FNDC3A: variants seen among roughly 807,000 people sequenced by gnomAD.
FNDC3A encodes the protein fibronectin type III domain containing 3A.
In FNDC3A, 32 loss-of-function variants were observed where a neutral mutation model predicts 148.9. That is an observed-to-expected ratio of 0.21 (90% CI 0.16 to 0.29). FNDC3A has a LOEUF of 0.29. FNDC3A is among the 10% of genes least tolerant of loss of function. The pLI is 1.00. For synonymous variants in FNDC3A, 472 were observed against 473.6 expected, an observed-to-expected ratio of 1.00 and a Z score of 0.04; for missense variants, 1,191 against 1,452.8, an observed-to-expected ratio of 0.82 and a Z score of 2.93.
intron 3 of FNDC3A, among the ~76,000 whole-genome samples, chr13:49,088,200 A>G (rs1214395594): frequency 1.3e-5 from 2 of 152,178 alleles, no homozygotes; most frequent in African/African-American, 4.8e-5. Context: ...TCCTGGCACT[A>G]TGTAGGCACT....
intron 19 of FNDC3A, among the ~76,000 whole-genome samples, chr13:49,196,272 A>G (rs183169280): frequency 3.9e-5 from 6 of 152,230 alleles, no homozygotes; most frequent in African/African-American, 1.4e-4. Flanking sequence ...ATTGATGACA[A>G]GAAATTTCTG....
intron 2 of FNDC3A, among the ~76,000 whole-genome samples, chr13:49,067,991 T>C (rs1203937868): frequency 6.6e-6 from 1 of 151,938 alleles, no homozygotes; most frequent in African/African-American, 2.4e-5. Flanking sequence ...TAAAAATGTG[T>C]TGGAAATAAA....
intron 14 of FNDC3A, among the ~76,000 whole-genome samples, chr13:49,181,954 TAAA>T (rs1361243709): frequency 1.3e-5 from 2 of 152,136 alleles, no homozygotes; most frequent in Non-Finnish European, 2.9e-5. Context: ...ATTTAAATGA[TAAA>T]GAAGAATGAA....
chr13:49,144,492 A>C (rs1209477836), intron 7 of FNDC3A, among the ~76,000 whole-genome samples: 1 of 152,174 alleles, frequency 6.6e-6, no homozygotes, highest in East Asian at 1.9e-4. Context: ...AGTGGTTATT[A>C]GTTTGGTTTT....
intron 3 of FNDC3A, among the ~76,000 whole-genome samples, chr13:49,110,820 T>C (rs576810070): frequency 5.4e-4 from 82 of 152,348 alleles, no homozygotes; most frequent in African/African-American, 1.6e-3. Flanking sequence ...CAAGGAAAGA[T>C]AAAGAAGAAT....
chr13:48,998,599 C>T (rs548020906), intron 1 of FNDC3A, among the ~76,000 whole-genome samples: 1 of 152,206 alleles, frequency 6.6e-6, no homozygotes, highest in African/African-American at 2.4e-5. Flanking sequence ...CTTTTGGTCC[C>T]AAGCATTTTG....
intron 4 of FNDC3A, among the ~76,000 whole-genome samples, chr13:49,129,958 G>A (rs553726551): frequency 6.6e-6 from 1 of 152,194 alleles, no homozygotes; most frequent in East Asian, 1.9e-4. Flanking sequence ...TGAAAATCAG[G>A]ATTTGCCTTT....
intron 8 of FNDC3A, among the ~76,000 whole-genome samples, chr13:49,158,298 C>T (rs2138011478): frequency 6.6e-6 from 1 of 152,340 alleles, no homozygotes; most frequent in African/African-American, 2.4e-5. Flanking sequence ...GTGCGTCTGT[C>T]ACCCCTTTCT....
chr13:49,039,180 A>G (rs1874731778), intron 2 of FNDC3A, among the ~76,000 whole-genome samples: 1 of 152,238 alleles, frequency 6.6e-6, no homozygotes, highest in Non-Finnish European at 1.5e-5. Flanking sequence ...GTGTATTACC[A>G]TTGGAATGTA....
rs1038343517 is a variant in FNDC3A, at chr13:49,093,226, T to TA, written c.175+17863dup. 3.3e-5 allele frequency among the ~76,000 whole-genome samples: 5 copies of TA among 152,298 alleles called. No homozygotes were observed. The South Asian group carries it at 1.0e-3, about 32-fold the overall frequency. ...CCTCCGCTCTCCTCCCCGTAGCACT[T>TA]ACAACTGCCCCATACATACAGAAAT... is the stretch of plus-strand genomic sequence containing the variant. On this transcript the variant is annotated intron_variant, in intron 3 of 25. Transcript: ENST00000492622.
chr13:49,060,643 C>CAAAAAAAA (rs35534890), intron 2 of FNDC3A, among the ~76,000 whole-genome samples: 1 of 59,716 alleles, frequency 1.7e-5, no homozygotes, highest in Non-Finnish European at 3.0e-5. Context: ...GACTCGGTCT[C>CAAAAAAAA]AAAAAAAAAA....
chr13:49,189,869 G>A (rs1885792839), intron 17 of FNDC3A, among the ~76,000 whole-genome samples: 1 of 152,208 alleles, frequency 6.6e-6, no homozygotes, highest in Admixed American at 6.5e-5. Context: ...TTGCAAGTAA[G>A]TAATATGCCA....
chr13:49,092,705 C>G (rs1326721964), intron 3 of FNDC3A, among the ~76,000 whole-genome samples: 1 of 151,522 alleles, frequency 6.6e-6, no homozygotes, highest in Non-Finnish European at 1.5e-5. Context: ...TCCAGCCCTT[C>G]AAAACCCAAT....
intron 3 of FNDC3A, among the ~76,000 whole-genome samples, chr13:49,108,246 A>G (rs1880325667): frequency 6.6e-6 from 1 of 152,192 alleles, no homozygotes; most frequent in Non-Finnish European, 1.5e-5. Flanking sequence ...TGGGATAGAG[A>G]ACAAAATTGA....
chr13:49,118,547 A>G (rs954523142), intron 4 of FNDC3A, among the ~76,000 whole-genome samples: 3 of 152,318 alleles, frequency 2.0e-5, no homozygotes, highest in Admixed American at 1.3e-4. Context: ...TCAGGGAGCC[A>G]AGTGGTCTAG....
intron 2 of FNDC3A, among the ~76,000 whole-genome samples, chr13:49,038,395 C>G (rs1874660242): frequency 6.6e-6 from 1 of 152,102 alleles, no homozygotes; most frequent in Admixed American, 6.5e-5. Context: ...AGAGGGTGAG[C>G]CCTAATCCAA....
At chr13:49,115,836 ACC>A (rs879377708) in intron 4 of FNDC3A, among the ~76,000 whole-genome samples, 5 of 152,226 alleles carry the variant, frequency 3.3e-5, no homozygotes, top group Non-Finnish European at 7.4e-5. Context: ...TCCGCTATGT[ACC>A]AAATCCAAAG....
chr13:49,038,454 C>A lies in FNDC3A; in HGVS notation c.99+32165C>A, dbSNP rs188885621. Among the ~76,000 whole-genome samples, 8 of 152,222 alleles carry A rather than the reference C, an allele frequency of 5.3e-5. No individual in the cohort carries two copies. The South Asian group carries it at 1.7e-3, about 32-fold the overall frequency. ...CAGGAAATTAGGACATAGACACATA[C>A]AGAGGGAAGACACGGGGAGAAGATG... On this transcript the variant is annotated intron_variant, in intron 2 of 25. Transcript: ENST00000492622.
intron 14 of FNDC3A, among the ~76,000 whole-genome samples, chr13:49,180,736 A>C (rs1263430016): frequency 6.6e-6 from 1 of 152,080 alleles, no homozygotes; most frequent in Non-Finnish European, 1.5e-5. Flanking sequence ...AAGCTAATCA[A>C]ATTTCTATTT....
Sources: gnomAD v4.1 joint callset for allele counts (sites outside exome capture counted in the v4.1 genomes callset) on GRCh38, gnomAD v4.1.1 for gene constraint, MANE v1.5 for transcripts, NCBI Gene and HGNC (gene_info 2026-07-23, HGNC 2026-07-21) for gene names.